Variants in DHH observed in about 807,000 individuals in gnomAD.
DHH encodes desert hedgehog protein.
DHH carries 16 observed loss-of-function variants against 27.6 expected under a neutral mutation model. That is an observed-to-expected ratio of 0.58 (90% CI 0.39 to 0.88). The LOEUF is 0.88. Among genes scored for constraint, DHH ranks in the 40% least tolerant of loss-of-function variants. The probability of loss-of-function intolerance (pLI) is 0.00; values close to 1 mark genes in which losing one functional copy is unlikely to be tolerated. For missense variants in DHH, 436 were observed against 563.1 expected (o/e 0.77, Z 2.28); for synonymous variants, 289 against 263.4 (o/e 1.10, Z -0.94).
In DHH at chr12:49,087,336, C is replaced by T. The variant is rs1179945199; in HGVS notation, c.*2523G>A. On this transcript the variant is annotated 3_prime_UTR_variant, in exon 3 of 3. Coordinates refer to ENST00000649637, the MANE Select transcript of DHH (RefSeq NM_021044.4). ...GGGAAACCAATGAGTTCTCCTTGTC[C>T]TGAAATATCTCCCTAGCTAACTTAT... Among the ~76,000 whole-genome samples, 2 of 152,162 alleles carry T rather than the reference C, an allele frequency of 1.3e-5. No homozygotes were observed. The highest frequency in any genetic ancestry group is 2.9e-5 in the Non-Finnish European group (2 of 68,026).
Position 49,090,998 on chromosome 12 carries a change from G to T in DHH, c.565+130C>A. 2 of 1,409,666 alleles carry T rather than the reference G, an allele frequency of 1.4e-6. No homozygotes were observed. Among genetic ancestry groups the T allele is most frequent in the Non-Finnish European group, 2.0e-6 (2 of 1,002,684 alleles). The allele number at this position is 1,409,666 out of a possible 1,614,324, so 87.3% of individuals were successfully genotyped here. On this transcript the variant is annotated intron_variant, in intron 2 of 2. Coordinates refer to ENST00000649637, the MANE Select transcript of DHH (RefSeq NM_021044.4). The surrounding 1 kb of genome is among the most constrained non-coding windows in gnomAD (Gnocchi z 5.2). Reference sequence around the variant, plus strand: ...ATTAGAGGCGTGAGGCACCGCCTCGGCCTGGACGGGTGGTTTTCAACACTA... The same window carrying T: ...ATTAGAGGCGTGAGGCACCGCCTCGTCCTGGACGGGTGGTTTTCAACACTA...
chr12:49,089,894 G>A lies in DHH; in HGVS notation c.1156C>T (p.Leu386Phe), dbSNP rs148575498. Residue 386 changes from leucine to phenylalanine, a missense_variant, in exon 3 of 3, where the codon CTC (leucine) becomes TTC (phenylalanine). Physicochemically the swap from Leu to Phe is conservative, Grantham distance 22. Transcript: ENST00000649637. Reference sequence around the variant, plus strand: ...AGCTCCTCCGCTAAGCGGTAGAGGAGCCGAGAGTACCAATGCATGCCAGTC... The same window carrying A: ...AGCTCCTCCGCTAAGCGGTAGAGGAACCGAGAGTACCAATGCATGCCAGTC... ...QPTGMHWYSR[L>F]LYRLAEELLG The A allele has an allele frequency of 1.3e-6, 2 of 1,589,186 alleles. No homozygotes were observed. Among genetic ancestry groups the A allele is most frequent in the Admixed American group, 1.8e-5 (1 of 57,004 alleles).
rs1283443010 is a variant in DHH, at chr12:49,087,414, G to A, written c.*2445C>T. On this transcript the variant is annotated 3_prime_UTR_variant, in exon 3 of 3. Transcript: ENST00000649637. ...GATTTTATGGTTAAAGGTTAAAACT[G>A]TAAGATATATGTATTACTGCTGGGC... is the stretch of plus-strand genomic sequence containing the variant. Among the ~76,000 whole-genome samples, 1 of 152,198 alleles carries A rather than the reference G, an allele frequency of 6.6e-6. No individual in the cohort carries two copies. Among genetic ancestry groups the A allele is most frequent in the African/African-American group, 2.4e-5 (1 of 41,450 alleles).
At position 49,087,518 on chromosome 12, in the gene DHH, C is replaced by T. The variant is rs1352141799; in HGVS notation, c.*2341G>A. Among the ~76,000 whole-genome samples, 4 of 152,124 alleles carry T rather than the reference C, an allele frequency of 2.6e-5. No individual in the cohort carries two copies. The highest frequency in any genetic ancestry group is 7.2e-5 in the African/African-American group (3 of 41,416). Reference sequence around the variant, plus strand: ...AGGAGTTCAAGACCAGCCTGGGCAACGTAGCAAGACTCTGTCTCTACAGAA... The same window carrying T: ...AGGAGTTCAAGACCAGCCTGGGCAATGTAGCAAGACTCTGTCTCTACAGAA... On this transcript the variant is annotated 3_prime_UTR_variant, in exon 3 of 3. Transcript: ENST00000649637.
At position 49,088,834 on chromosome 12, in the gene DHH, C is replaced by T. The variant is rs1156972437; in HGVS notation, c.*1025G>A. 6.6e-6 allele frequency among the ~76,000 whole-genome samples: 1 copy of T among 152,196 alleles called. No individual in the cohort carries two copies. The highest frequency in any genetic ancestry group is 1.5e-5 in the Non-Finnish European group (1 of 68,024). ...TTAGGGAATCTACTTCCCCCACATA[C>T]ACCCAGGCTGAATCCATTCTCTCTC... On this transcript the variant is annotated 3_prime_UTR_variant, in exon 3 of 3. Coordinates refer to ENST00000649637, the MANE Select transcript of DHH (RefSeq NM_021044.4).
rs777784268 is a variant in DHH at position 49,090,364 on chromosome 12, T to C, written c.686A>G (p.Asp229Gly). The C allele has an allele frequency of 1.2e-6, 2 of 1,609,112 alleles. No individual in the cohort carries two copies. The highest frequency in any genetic ancestry group is 4.5e-5 in the East Asian group (2 of 44,734). The change falls in exon 3 of 3, where the codon GAT (aspartate) becomes GGT (glycine). Residue 229 changes from aspartate to glycine, a missense_variant. Transcript: ENST00000649637. The surrounding 1 kb of genome is among the most constrained non-coding windows in gnomAD (Gnocchi z 5.2). ...LHRGDWVLAA[D>G]ASGRVVPTPV... ...CGTGGGCACCACCCGGCCTGACGCA[T>C]CGGCCGCCAAAACCCAGTCTCCGCG...
chr12:49,089,696 C>T lies in DHH; in HGVS notation c.*163G>A. ...CCTACCTAGGACCCGGTATCACCTCCTCTCAGTACGAGGTTGCCCCTAAGC... is the reference window on the plus strand; with the variant it reads ...CCTACCTAGGACCCGGTATCACCTCTTCTCAGTACGAGGTTGCCCCTAAGC... On this transcript the variant is annotated 3_prime_UTR_variant, in exon 3 of 3. Coordinates refer to ENST00000649637, the MANE Select transcript of DHH (RefSeq NM_021044.4). 4 of 905,488 alleles carry T rather than the reference C, an allele frequency of 4.4e-6. No individual in the cohort carries two copies. Among genetic ancestry groups the T allele is most frequent in the Non-Finnish European group, 6.3e-6 (4 of 639,994 alleles). The allele number at this position is 905,488 out of a possible 1,614,324, so 56.1% of individuals were successfully genotyped here.
In DHH at chr12:49,091,368, C is replaced by G. The variant is rs1462443468; in HGVS notation, c.325G>C (p.Ala109Pro). The change falls in exon 2 of 3, where the codon GCT becomes CCT. Residue 109 changes from alanine (A) to proline (P), a missense_variant. Physicochemically the swap from Ala to Pro is conservative, Grantham distance 27 (BLOSUM62 -1). Transcript: ENST00000649637. This position sits in a 1 kb window ranked among gnomAD's most constrained non-coding sequence, Gnocchi z 4.8. The part of the protein sequence containing the change: ...MTERCKERVN[A>P]LAIAVMNMWP... ...ATGTTCATCACGGCAATGGCCAAAGCGTTCACCCGCTCCTTACAACGCTGG... is the reference window on the plus strand; with the variant it reads ...ATGTTCATCACGGCAATGGCCAAAGGGTTCACCCGCTCCTTACAACGCTGG... 6.2e-7 allele frequency: 1 copy of G among 1,614,194 alleles called. No homozygotes were observed.
Position 49,090,447 on chromosome 12 carries a change from C to G in DHH, c.603G>C (p.Pro201=). 1 of 1,606,722 alleles carries G rather than the reference C, an allele frequency of 6.2e-7. No individual in the cohort carries two copies. ...SLAVRAGGCF[P]GNATVRLWSG... ...TCCACAGGCGCACAGTTGCATTTCCCGGAAAGCAGCCGCCCGCCCGGACCG... is the reference window on the plus strand; with the variant it reads ...TCCACAGGCGCACAGTTGCATTTCCGGGAAAGCAGCCGCCCGCCCGGACCG... Residue 201 remains proline, a synonymous_variant, in exon 3 of 3, where the codon CCG becomes CCC. Transcript: ENST00000649637. This position sits in a 1 kb window ranked among gnomAD's most constrained non-coding sequence, Gnocchi z 5.2.
Position 49,089,811 on chromosome 12 carries a change from C to T in DHH, c.*48G>A. 6.7e-7 allele frequency: 1 copy of T among 1,481,498 alleles called. No individual in the cohort carries two copies. The highest frequency in any genetic ancestry group is 1.4e-5 in the South Asian group (1 of 73,572). The allele number at this position is 1,481,498 out of a possible 1,614,324, so 91.8% of individuals were successfully genotyped here. On this transcript the variant is annotated 3_prime_UTR_variant, in exon 3 of 3. Transcript: ENST00000649637. ...GCCCACAGCCCCATATCTCAGCCAG[C>T]AGGCCCTCGTTTCCTCGGGCGCTTC...
rs182296193 is a variant in DHH, at chr12:49,089,773, G to A, written c.*86C>T. 5.4e-4 allele frequency: 765 copies of A among 1,405,114 alleles called. 9 individuals carry two copies. In the African/African-American group the frequency reaches 9.9e-3, roughly 18 times the overall value. 87.0% of individuals were successfully genotyped at this position (1,405,114 alleles called of 1,614,324 possible). A position where few individuals can be genotyped will look rare whatever the true frequency, so the allele number is the denominator to read the frequency against. ...CCCTCCCTCTCCCTCCCTTCCAGTC[G>A]GCATCGTCTGCTGCCCACAGCCCCA... On this transcript the variant is annotated 3_prime_UTR_variant, in exon 3 of 3. Coordinates refer to ENST00000649637, the MANE Select transcript of DHH (RefSeq NM_021044.4).
Position 49,091,521 on chromosome 12 carries a change from T to A in DHH, c.304-132A>T. 2 of 1,329,310 alleles carry A rather than the reference T, an allele frequency of 1.5e-6. No homozygotes were observed. The highest frequency in any genetic ancestry group is 2.5e-5 in the East Asian group (1 of 39,776). The allele number at this position is 1,329,310 out of a possible 1,614,324, so 82.3% of individuals were successfully genotyped here. A position where few individuals can be genotyped will look rare whatever the true frequency, so the allele number is the denominator to read the frequency against. ...CCAGCTTTTGAGTGTCCTGGAGAAA[T>A]GAGAATCTGAGTCGATGGTAGTCAC... is the stretch of plus-strand genomic sequence containing the variant. On this transcript the variant is annotated intron_variant, in intron 1 of 2. Coordinates refer to ENST00000649637, the MANE Select transcript of DHH (RefSeq NM_021044.4). This position sits in a 1 kb window ranked among gnomAD's most constrained non-coding sequence, Gnocchi z 4.8.
At position 49,094,800 on chromosome 12, in the gene DHH, A is replaced by C. The variant is rs995826738; in HGVS notation, c.-288T>G. On this transcript the variant is annotated 5_prime_UTR_variant, in exon 1 of 3. Transcript: ENST00000649637. ...TCTGCTGCAGGACTCTGGTGCTGCC[A>C]GAACGCCCGGACTCCGGACTCCGCC... 3.7e-6 allele frequency: 2 copies of C among 541,332 alleles called. No individual in the cohort carries two copies. Among genetic ancestry groups the C allele is most frequent in the Non-Finnish European group, 6.7e-6 (2 of 299,814 alleles). 33.5% of individuals were successfully genotyped at this position (541,332 alleles called of 1,614,324 possible). A position where few individuals can be genotyped will look rare whatever the true frequency, so the allele number is the denominator to read the frequency against.
chr12:49,089,927 C>T lies in DHH; in HGVS notation c.1123G>A (p.Val375Ile). The T allele has an allele frequency of 6.3e-7, 1 of 1,585,974 alleles. No homozygotes were observed. The highest frequency in any genetic ancestry group is 1.1e-5 in the South Asian group (1 of 87,020). ...ALGALLPGGA[V>I]QPTGMHWYSR... ...TACCAATGCATGCCAGTCGGCTGGA[C>T]GGCCCCGCCGGGGAGCAGCGCCCCT... Residue 375 changes from valine (V) to isoleucine (I), a missense_variant, in exon 3 of 3, where the codon GTC becomes ATC. Coordinates refer to ENST00000649637, the MANE Select transcript of DHH (RefSeq NM_021044.4).
At chr12:49,094,154 AG>A (rs1939352819) in intron 1 of DHH, 55 bp downstream of exon 1, 1 of 1,600,824 alleles carries the variant, frequency 6.2e-7, no homozygotes, top group Non-Finnish European at 8.5e-7. Context: ...GGGCTGCCAT[AG>A]GAAAACGGAG....
chr12:49,086,697 A>G lies in DHH; in HGVS notation c.*3162T>C, dbSNP rs1939217027. On this transcript the variant is annotated 3_prime_UTR_variant, in exon 3 of 3. Transcript: ENST00000649637. ...ACTTTTAATTATACTTCTTCAGAAA[A>G]GTAGTTTCAGGCACTACCTGGAACC... 1.3e-5 allele frequency among the ~76,000 whole-genome samples: 2 copies of G among 152,230 alleles called. No homozygotes were observed. The highest frequency in any genetic ancestry group is 6.5e-5 in the Admixed American group (1 of 15,278).
rs57658147 is a variant in DHH, at chr12:49,087,192, ATT to A, written c.*2665_*2666del. Among the ~76,000 whole-genome samples the A allele has an allele frequency of 1.7e-3, 247 of 146,342 alleles. No homozygotes were observed. Among genetic ancestry groups the A allele is most frequent in the African/African-American group, 5.1e-3 (205 of 39,982 alleles). ...ATTGCCGCTTGAAGGCAAGTCATGG[ATT>A]TTTTTTTTTTTTGAGAGTTAGGAGG... On this transcript the variant is annotated 3_prime_UTR_variant, in exon 3 of 3. Coordinates refer to ENST00000649637, the MANE Select transcript of DHH (RefSeq NM_021044.4).
In DHH at chr12:49,094,700, G is replaced by A. The variant is rs916548398; in HGVS notation, c.-188C>T. The A allele has an allele frequency of 2.8e-6, 2 of 724,960 alleles. No individual in the cohort carries two copies. Among genetic ancestry groups the A allele is most frequent in the African/African-American group, 1.7e-5 (1 of 57,284 alleles). 44.9% of individuals were successfully genotyped at this position (724,960 alleles called of 1,614,324 possible). ...CACGTGCCCCGGGAGCGGGCGGGGGGTGTCTAGGACCTGCTACTGACAAAC... is the reference window on the plus strand; with the variant it reads ...CACGTGCCCCGGGAGCGGGCGGGGGATGTCTAGGACCTGCTACTGACAAAC... On this transcript the variant is annotated 5_prime_UTR_variant, in exon 1 of 3. Transcript: ENST00000649637.
At position 49,094,428 on chromosome 12, in the gene DHH, G is replaced by T. The variant is rs1292765044; in HGVS notation, c.85C>A (p.Pro29Thr). Residue 29 changes from proline to threonine, a missense_variant, in exon 1 of 3, where the codon CCG becomes ACG. By Grantham distance (38) the Pro-to-Thr change is conservative. Transcript: ENST00000649637. Reference protein sequence around the residue: ...PAQSCGPGRGPVGRRRYARKQ... With the variant: ...PAQSCGPGRGTVGRRRYARKQ... ...CGCGCATAGCGGCGCCGGCCAACCG[G>T]CCCCCGGCCCGGCCCGCAGCTCTGG... 1 of 1,605,950 alleles carries T rather than the reference G, an allele frequency of 6.2e-7. No individual in the cohort carries two copies. The highest frequency in any genetic ancestry group is 1.3e-5 in the African/African-American group (1 of 74,866).
Sources: gnomAD v4.1 joint callset for allele counts (sites outside exome capture counted in the v4.1 genomes callset) on GRCh38, gnomAD v4.1.1 for gene constraint, Gnocchi (gnomAD v3.1) non-coding constraint, MANE v1.5 for transcripts, NCBI Gene and HGNC (gene_info 2026-07-23, HGNC 2026-07-21) for gene names.